NKD1: variants seen among roughly 807,000 people sequenced by gnomAD.
NKD1 encodes the protein protein naked cuticle homolog 1.
Under a neutral mutation model 56.0 loss-of-function variants are expected in NKD1, and 21 were observed. The ratio of observed to expected loss-of-function variants is 0.38; its 90% confidence interval spans 0.27 to 0.54. The LOEUF is 0.54. Ranked by LOEUF, NKD1 falls within the 20% of genes least tolerant of loss-of-function variation. The pLI, the probability that NKD1 is intolerant of heterozygous loss-of-function variation, is 0.82. For synonymous variants in NKD1, 263 were observed against 265.7 expected (o/e 0.99, Z 0.10); for missense variants, 578 against 642.7 (o/e 0.90, Z 1.09).
At chr16:50,552,050 C>T (rs1960399000) in intron 3 of NKD1, 1 of 152,192 alleles carries the variant, frequency 6.6e-6, no homozygotes, top group South Asian at 2.1e-4. Flanking sequence ...CTGCTGGTTT[C>T]CAAGGGCTGG....
chr16:50,617,719 A>T (rs1364307505), intron 4 of NKD1, among the ~76,000 whole-genome samples: 1 of 152,224 alleles, frequency 6.6e-6, no homozygotes, highest in East Asian at 1.9e-4. Context: ...ATAGGCCTTA[A>T]GAAAGCAGAG....
Position 50,548,717 on chromosome 16 carries a change from C to A in NKD1, c.26C>A (p.Ala9Asp). 2 of 1,456,502 alleles carry A rather than the reference C, an allele frequency of 1.4e-6. No individual in the cohort carries two copies. Among genetic ancestry groups the A allele is most frequent in the Non-Finnish European group, 1.8e-6 (2 of 1,113,676 alleles). 90.2% of individuals were successfully genotyped at this position (1,456,502 alleles called of 1,614,324 possible). ...CCGCCGCCTCGCGATGTGCCTGCAG[C>A]CGCCGTGTGCAAGCGCAGGGAGAGC... MGKLHSKP[A>D]AVCKRRESPE... Residue 9 changes from alanine to aspartate, a missense_variant and splice_region_variant, in exon 2 of 10, where the codon GCC (alanine) becomes GAC (aspartate). Coordinates refer to ENST00000268459, the MANE Select transcript of NKD1 (RefSeq NM_033119.5).
At position 50,576,422 on chromosome 16, in the gene NKD1, T is replaced by C. The variant is rs1240021500; in HGVS notation, c.192+26867T>C. On this transcript the variant is annotated intron_variant, in intron 3 of 9. Transcript: ENST00000268459. Reference sequence around the variant, plus strand: ...TATTGATAATGAATGACTCATAAGATTATCCATCCATAGCCAGATTGCTAT... The same window carrying C: ...TATTGATAATGAATGACTCATAAGACTATCCATCCATAGCCAGATTGCTAT... Among the ~76,000 whole-genome samples, 5 of 152,358 alleles carry C rather than the reference T, an allele frequency of 3.3e-5. No individual in the cohort carries two copies. In the East Asian group the frequency reaches 7.7e-4, roughly 24 times the overall value.
At chr16:50,592,353 A>G (rs1389163813) in intron 3 of NKD1, among the ~76,000 whole-genome samples, 4 of 152,260 alleles carry the variant, frequency 2.6e-5, no homozygotes, top group South Asian at 2.1e-4. Context: ...GCCCTGCCCC[A>G]TGCCCTCCCC....
chr16:50,613,828 G>C (rs1961903283), intron 4 of NKD1: 1 of 152,140 alleles, frequency 6.6e-6, no homozygotes, highest in Non-Finnish European at 1.5e-5. Flanking sequence ...TCTCTCCCGG[G>C]GCTTCCCCCT....
At chr16:50,613,534 A>G (rs1961895932) in intron 4 of NKD1, 1 of 152,180 alleles carries the variant, frequency 6.6e-6, no homozygotes, top group Admixed American at 6.5e-5. Flanking sequence ...CCACTCCCCT[A>G]CAGTCCCCCC....
chr16:50,559,142 G>C (rs531236904), intron 3 of NKD1, among the ~76,000 whole-genome samples: 2 of 152,330 alleles, frequency 1.3e-5, no homozygotes, highest in East Asian at 3.9e-4. Context: ...TAGAGTAATG[G>C]TTCCTACCTC....
chr16:50,589,013 C>T (rs897933731), intron 3 of NKD1, among the ~76,000 whole-genome samples: 1 of 152,132 alleles, frequency 6.6e-6, no homozygotes, highest in Non-Finnish European at 1.5e-5. Flanking sequence ...AAACATGGGG[C>T]GCTTGGGAGG....
chr16:50,554,680 G>A (rs527753256), intron 3 of NKD1, among the ~76,000 whole-genome samples: 1 of 152,214 alleles, frequency 6.6e-6, no homozygotes, highest in Admixed American at 6.5e-5. Flanking sequence ...TGCCACCCAG[G>A]CTGGGGTGCA....
rs74017725 is a variant in NKD1, at chr16:50,576,642, C to A, written c.192+27087C>A. ...ATTGTGGGTATGCCTGTGGCTTTTA[C>A]GGTGGTGATGATTTCATGGGTGTAC... On this transcript the variant is annotated intron_variant, in intron 3 of 9. Transcript: ENST00000268459. Among the ~76,000 whole-genome samples the A allele has an allele frequency of 7.9e-3, 1,196 of 151,556 alleles. 11 individuals carry two copies. Among genetic ancestry groups the A allele is most frequent in the African/African-American group, 0.027 (1,120 of 41,246 alleles).
intron 3 of NKD1, among the ~76,000 whole-genome samples, chr16:50,593,305 G>A (rs1596726751): frequency 6.6e-6 from 1 of 152,184 alleles, no homozygotes. Flanking sequence ...TGTGGTCCAC[G>A]TCATTGAAAA....
At chr16:50,572,752 G>A (rs550399829) in intron 3 of NKD1, among the ~76,000 whole-genome samples, 12 of 152,274 alleles carry the variant, frequency 7.9e-5, no homozygotes, top group Middle Eastern at 6.8e-3. Flanking sequence ...GGTGCAGCAC[G>A]GTGTCCGGGC....
In NKD1 at chr16:50,613,279, G is replaced by GA. The variant is rs1864595307; in HGVS notation, c.259+4922dup. Among the ~76,000 whole-genome samples, 4 of 152,140 alleles carry GA rather than the reference G, an allele frequency of 2.6e-5. No homozygotes were observed. The South Asian group carries it at 8.3e-4, about 32-fold the overall frequency. On this transcript the variant is annotated intron_variant, in intron 4 of 9. Coordinates refer to ENST00000268459, the MANE Select transcript of NKD1 (RefSeq NM_033119.5). ...TGGGGTTCAAGGAGCAGTTGGGCAA[G>GA]AAACAGAGAGAGAGAGCGAGTCAAG...
At position 50,641,273 on chromosome 16, in the gene NKD1, C is replaced by T. The variant is rs909656960; in HGVS notation, c.*7492C>T. ...GCCTGGTAGAGGGGTTGGAGTGGGC[C>T]TGAGGCCAACTTGCTCAGAGCCACA... On this transcript the variant is annotated 3_prime_UTR_variant, in exon 10 of 10. Coordinates refer to ENST00000268459, the MANE Select transcript of NKD1 (RefSeq NM_033119.5). The T allele has an allele frequency of 2.6e-5, 4 of 152,250 alleles. No individual in the cohort carries two copies. Among genetic ancestry groups the T allele is most frequent in the Non-Finnish European group, 5.9e-5 (4 of 68,124 alleles). 9.4% of individuals were successfully genotyped at this position (152,250 alleles called of 1,614,324 possible). A position where few individuals can be genotyped will look rare whatever the true frequency, so the allele number is the denominator to read the frequency against.
intron 3 of NKD1, among the ~76,000 whole-genome samples, chr16:50,554,837 A>G (rs377162967): frequency 5.9e-5 from 9 of 152,080 alleles, no homozygotes; most frequent in African/African-American, 1.9e-4. Flanking sequence ...CCCAGGCTGG[A>G]TTGAACTCCT....
At chr16:50,569,196 C>T (rs144532781) in intron 3 of NKD1, among the ~76,000 whole-genome samples, 14 of 152,318 alleles carry the variant, frequency 9.2e-5, no homozygotes, top group African/African-American at 3.4e-4. Context: ...GATGCTTTCC[C>T]ATGTCTGGGT....
Position 50,548,489 on chromosome 16 carries a change from G to A in NKD1, c.-65G>A, listed in dbSNP as rs1422060782. On this transcript the variant is annotated 5_prime_UTR_variant, in exon 1 of 10. Transcript: ENST00000268459. The stretch of plus-strand genomic sequence containing the variant: ...CTGCTTCGGGAGGAGGAGAGCCAAG[G>A]GAGGCGCCAGGCCCGCGGGCCGGGC... 7 of 1,342,586 alleles carry A rather than the reference G, an allele frequency of 5.2e-6. No individual in the cohort carries two copies. The African/African-American group carries it at 9.3e-5, about 18-fold the overall frequency. The allele number at this position is 1,342,586 out of a possible 1,614,324, so 83.2% of individuals were successfully genotyped here. A position where few individuals can be genotyped will look rare whatever the true frequency, so the allele number is the denominator to read the frequency against.
rs1404996844 is a variant in NKD1 at position 50,639,752 on chromosome 16, G to A, written c.*5971G>A. ...AGATGGCGAAAGATGGCCACATTTA[G>A]TGAGACCCCTAAGGTCCTCCAACTA... On this transcript the variant is annotated 3_prime_UTR_variant, in exon 10 of 10. Transcript: ENST00000268459. 6.6e-6 allele frequency: 1 copy of A among 152,274 alleles called. No homozygotes were observed. The highest frequency in any genetic ancestry group is 1.5e-5 in the Non-Finnish European group (1 of 68,078). 9.4% of individuals were successfully genotyped at this position (152,274 alleles called of 1,614,324 possible). A position where few individuals can be genotyped will look rare whatever the true frequency, so the allele number is the denominator to read the frequency against.
At chr16:50,574,548 C>T (rs1021356916) in intron 3 of NKD1, 34 of 985,258 alleles carry the variant, frequency 3.5e-5, no homozygotes, top group Non-Finnish European at 4.1e-5. Flanking sequence ...GGCAGTGCAG[C>T]GTGGTCTCGC....
Sources: allele counts gnomAD v4.1 joint callset (sites outside exome capture counted in the v4.1 genomes callset), GRCh38; gene constraint gnomAD v4.1.1; transcripts MANE v1.5; gene names NCBI Gene and HGNC (gene_info 2026-07-23, HGNC 2026-07-21).